Variants in NAP1L1 observed in about 807,000 individuals in gnomAD.
NAP1L1 encodes the protein nucleosome assembly protein 1-like 1.
A neutral mutation model predicts 58.9 loss-of-function variants in NAP1L1; 9 were observed. That is an observed-to-expected ratio of 0.15 (90% CI 0.09 to 0.27). NAP1L1 has a LOEUF of 0.27. Ranked by LOEUF, NAP1L1 falls within the 10% of genes least tolerant of loss-of-function variation. NAP1L1 has a pLI of 1.00. For missense variants in NAP1L1, 302 were observed against 458.8 expected (o/e 0.66, Z 3.12); for synonymous variants, 130 against 138.3 (o/e 0.94, Z 0.42).
chr12:76,067,934 T>C (rs144128357), intron 3 of NAP1L1, among the ~76,000 whole-genome samples: 125 of 152,334 alleles, frequency 8.2e-4, no homozygotes, highest in African/African-American at 2.8e-3. Flanking sequence ...TTGTGTAATG[T>C]ATTTCTATGT....
chr12:76,054,671 C>T (rs527886120), intron 8 of NAP1L1, among the ~76,000 whole-genome samples: 2 of 152,316 alleles, frequency 1.3e-5, no homozygotes, highest in Middle Eastern at 3.4e-3. Context: ...GTTTGGTGGA[C>T]AGCTTGTTGG....
At chr12:76,069,703 G>A (rs1207487157) in intron 2 of NAP1L1, among the ~76,000 whole-genome samples, 1 of 152,142 alleles carries the variant, frequency 6.6e-6, no homozygotes, top group Non-Finnish European at 1.5e-5. Flanking sequence ...CACAGTGGAG[G>A]TGAGAAAGAA....
At chr12:76,062,942 G>C (rs1949485532) in intron 4 of NAP1L1, among the ~76,000 whole-genome samples, 1 of 151,998 alleles carries the variant, frequency 6.6e-6, no homozygotes, top group Non-Finnish European at 1.5e-5. Flanking sequence ...AAAGGAATCA[G>C]ACTAACAACA....
intron 2 of NAP1L1, among the ~76,000 whole-genome samples, chr12:76,071,861 C>T (rs1949966237): frequency 6.6e-6 from 1 of 151,534 alleles, no homozygotes; most frequent in Admixed American, 6.6e-5. Context: ...ACTATGTACA[C>T]ATTAGAATGC....
chr12:76,064,708 C>A (rs1430155864), intron 4 of NAP1L1, among the ~76,000 whole-genome samples: 1 of 151,620 alleles, frequency 6.6e-6, no homozygotes. Flanking sequence ...AAACTATGTA[C>A]TAATCAATTT....
Position 76,075,361 on chromosome 12 carries a change from C to G in NAP1L1, c.-20-1122G>C, listed in dbSNP as rs571165313. Among the ~76,000 whole-genome samples, 6 of 152,256 alleles carry G rather than the reference C, an allele frequency of 3.9e-5. No homozygotes were observed. In the East Asian group the frequency reaches 1.2e-3, roughly 29 times the overall value. On this transcript the variant is annotated intron_variant, in intron 1 of 14. Transcript: ENST00000618691. ...CAAGTTATCTGGTAAAAATTAAAAT[C>G]TTAATACATATTTAATTCACAAAAT... is the stretch of plus-strand genomic sequence containing the variant.
In NAP1L1 at chr12:76,038,548, A is replaced by C. The variant is rs944030156; in HGVS notation, c.*9881T>G. On this transcript the variant is annotated 3_prime_UTR_variant, in exon 15 of 15. Transcript: ENST00000618691. ...GTGAGTGTAGACAATTCCTCCCAAA[A>C]ACATGAGAATAAAGAAGGTGGTAGT... The C allele has an allele frequency of 6.6e-6, 1 of 152,192 alleles. No homozygotes were observed. The highest frequency in any genetic ancestry group is 1.5e-5 in the Non-Finnish European group (1 of 68,036). 9.4% of individuals were successfully genotyped at this position (152,192 alleles called of 1,614,324 possible). A position where few individuals can be genotyped will look rare whatever the true frequency, so the allele number is the denominator to read the frequency against.
chr12:76,070,322 G>GGTCTC (rs1181812049), intron 2 of NAP1L1, among the ~76,000 whole-genome samples: 1 of 152,044 alleles, frequency 6.6e-6, no homozygotes, highest in African/African-American at 2.4e-5. Context: ...AGGCTGGGCT[G>GGTCTC]GTCTCAAACT....
In NAP1L1 at chr12:76,056,012, T is replaced by C. The variant is rs1466086083; in HGVS notation, c.558+21A>G. On this transcript the variant is annotated intron_variant, in intron 7 of 14. Coordinates refer to ENST00000618691, the MANE Select transcript of NAP1L1 (RefSeq NM_004537.7). ...AGGTTTACCCTTCAAAGTAAACTGGTACATTTATGAATAAAATTACCTGAA... is the reference window on the plus strand; with the variant it reads ...AGGTTTACCCTTCAAAGTAAACTGGCACATTTATGAATAAAATTACCTGAA... 5 of 1,609,760 alleles carry C rather than the reference T, an allele frequency of 3.1e-6. No homozygotes were observed. In the South Asian group the frequency reaches 5.5e-5, roughly 18 times the overall value.
intron 4 of NAP1L1, among the ~76,000 whole-genome samples, chr12:76,061,428 G>A (rs1280397271): frequency 6.6e-6 from 1 of 152,136 alleles, no homozygotes; most frequent in Non-Finnish European, 1.5e-5. Context: ...ATAGCCTCTA[G>A]CTCCGTCCAC....
At chr12:76,057,965 A>G in intron 6 of NAP1L1, 1 of 978,294 alleles carries the variant, frequency 1.0e-6, no homozygotes. Flanking sequence ...CTTAAATCAC[A>G]CAAAGATTTT....
rs1468849567 is a variant in NAP1L1 at position 76,068,747 on chromosome 12, C to CACACAA, written c.103+161_103+162insTTGTGT. Reference sequence around the variant, plus strand: ...CCTACCCGCCCCTTACACACACACACACACACACACACACACACACACACA... The same window carrying CACACAA: ...CCTACCCGCCCCTTACACACACACACACACAAACACACACACACACACACACACACA... On this transcript the variant is annotated intron_variant, in intron 3 of 14. Coordinates refer to ENST00000618691, the MANE Select transcript of NAP1L1 (RefSeq NM_004537.7). 1.3e-5 allele frequency: 7 copies of CACACAA among 531,708 alleles called. No individual in the cohort carries two copies. The South Asian group carries it at 1.3e-4, about 10-fold the overall frequency. 32.9% of individuals were successfully genotyped at this position (531,708 alleles called of 1,614,324 possible). A position where few individuals can be genotyped will look rare whatever the true frequency, so the allele number is the denominator to read the frequency against.
chr12:76,057,858 A>T, intron 6 of NAP1L1: 1 of 1,492,378 alleles, frequency 6.7e-7, no homozygotes, highest in Non-Finnish European at 9.2e-7. Context: ...TAAAACAAAA[A>T]AACAAAGACG....
intron 11 of NAP1L1, among the ~76,000 whole-genome samples, chr12:76,051,693 G>A (rs1948838215): frequency 6.6e-6 from 1 of 152,132 alleles, no homozygotes; most frequent in Admixed American, 6.6e-5. Flanking sequence ...GAAAAGCACA[G>A]GGCAAAAGTG....
chr12:76,057,624 T>C (rs572959843), intron 6 of NAP1L1: 5 of 1,300,114 alleles, frequency 3.8e-6, no homozygotes, highest in South Asian at 3.7e-5. Flanking sequence ...ATTACCTACT[T>C]TGAGTCCTTT....
intron 1 of NAP1L1, among the ~76,000 whole-genome samples, chr12:76,077,673 T>C (rs796786194): frequency 3.9e-5 from 6 of 152,186 alleles, no homozygotes; most frequent in African/African-American, 1.4e-4. Flanking sequence ...AACTAGATTA[T>C]GCAGATCAAT....
chr12:76,070,693 C>A (rs1949914891), intron 2 of NAP1L1, among the ~76,000 whole-genome samples: 1 of 152,056 alleles, frequency 6.6e-6, no homozygotes, highest in African/African-American at 2.4e-5. Context: ...TACAGTCATC[C>A]CTCAGAGTCT....
chr12:76,084,418 C>T (rs942764389), intron 1 of NAP1L1, 149 bp downstream of exon 1: 32 of 152,410 alleles, frequency 2.1e-4, no homozygotes, highest in African/African-American at 6.5e-4. Flanking sequence ...CGGTCCTGTC[C>T]GACCTCACAG....
At chr12:76,057,523 G>A (rs1949170469) in intron 6 of NAP1L1, 1 of 732,616 alleles carries the variant, frequency 1.4e-6, no homozygotes, top group South Asian at 1.5e-5. Context: ...CTGTGCAACT[G>A]CCTGGGTTTG....
Sources: allele counts gnomAD v4.1 joint callset (sites outside exome capture counted in the v4.1 genomes callset), GRCh38; gene constraint gnomAD v4.1.1; transcripts MANE v1.5; gene names NCBI Gene and HGNC (gene_info 2026-07-23, HGNC 2026-07-21).